The following GGA2 variants were observed in gnomAD, a reference collection of about 807,000 sequenced individuals.
GGA2 encodes golgi associated, gamma adaptin ear containing, ARF binding protein 2.
In GGA2, 48 loss-of-function variants were observed where a neutral mutation model predicts 79.5. The observed-to-expected ratio is 0.60, with a 90% CI of 0.48 to 0.77. The LOEUF (loss-of-function observed/expected upper bound fraction) is 0.77. Among genes scored for constraint, GGA2 ranks in the 30% least tolerant of loss-of-function variants. GGA2 has a pLI of 0.00. For missense variants in GGA2, 770 were observed against 774.0 expected (o/e 0.99, Z 0.06); for synonymous variants, 317 against 302.0 (o/e 1.05, Z -0.51).
intron 6 of GGA2, 68 bp from the exon 7 acceptor site, chr16:23,486,858 C>T: frequency 7.7e-6 from 7 of 905,028 alleles, no homozygotes; most frequent in Non-Finnish European, 1.3e-5. Flanking sequence ...GAAGCAGCAG[C>T]AACAGAAGAG....
intron 6 of GGA2, among the ~76,000 whole-genome samples, chr16:23,488,179 C>T (rs1964739138): frequency 6.6e-6 from 1 of 152,098 alleles, no homozygotes; most frequent in Non-Finnish European, 1.5e-5. Context: ...AACACCACAC[C>T]CACACAGGAC....
intron 16 of GGA2, among the ~76,000 whole-genome samples, chr16:23,468,119 TCTCCTTCCTTCCTTTC>T (rs1964464717): frequency 7.8e-6 from 1 of 128,902 alleles, no homozygotes; most frequent in Admixed American, 8.0e-5. Flanking sequence ...CTTTTTCTCT[TCTCCTTCCTTCCTTTC>T]CTCCTTCCCT....
At chr16:23,513,057 A>G (rs946839545), upstream of GGA2, among the ~76,000 whole-genome samples, 1 of 152,166 alleles carries the variant, frequency 6.6e-6, no homozygotes, top group Non-Finnish European at 1.5e-5. Flanking sequence ...AACATCTGGC[A>G]ACACTGGACC....
chr16:23,488,779 A>C, intron 5 of GGA2, 70 bp from the exon 6 acceptor site: 2 of 866,990 alleles, frequency 2.3e-6, no homozygotes, highest in East Asian at 4.9e-5. Flanking sequence ...ATCCAGTATA[A>C]AGTCTGGAAA....
Position 23,469,984 on chromosome 16 carries a change from C to T in GGA2, c.1620+12G>A. On this transcript the variant is annotated intron_variant, in intron 15 of 16. Transcript: ENST00000309859. Reference sequence around the variant, plus strand: ...ACAGCCATTACTGAGAAATCCCCAACAGATGACTCACCTTTGGCACAGCCA... The same window carrying T: ...ACAGCCATTACTGAGAAATCCCCAATAGATGACTCACCTTTGGCACAGCCA... 2 of 1,501,222 alleles carry T rather than the reference C, an allele frequency of 1.3e-6. No individual in the cohort carries two copies. The highest frequency in any genetic ancestry group is 1.8e-6 in the Non-Finnish European group (2 of 1,121,602). The allele number at this position is 1,501,222 out of a possible 1,614,324, so 93.0% of individuals were successfully genotyped here. A position where few individuals can be genotyped will look rare whatever the true frequency, so the allele number is the denominator to read the frequency against.
At chr16:23,511,254 G>A (rs924252587), upstream of GGA2, among the ~76,000 whole-genome samples, 2 of 142,442 alleles carry the variant, frequency 1.4e-5, no homozygotes, top group South Asian at 2.3e-4. Context: ...CTGGGTTCAA[G>A]CGATTCTCCT....
chr16:23,493,139 G>C (rs1041769333), intron 4 of GGA2, among the ~76,000 whole-genome samples: 1 of 152,216 alleles, frequency 6.6e-6, no homozygotes, highest in Non-Finnish European at 1.5e-5. Flanking sequence ...ACGTTCCCCA[G>C]GCCTTCTTAA....
chr16:23,505,353 C>T (rs739498), intron 1 of GGA2, among the ~76,000 whole-genome samples: 7,035 of 152,118 alleles, frequency 0.046, 579 homozygotes, highest in African/African-American at 0.16. Flanking sequence ...TTTAATAGCG[C>T]AAGGCTAGCA....
At chr16:23,479,969 AC>A in intron 10 of GGA2, 82 bp from the exon 11 acceptor site, 1 of 1,338,508 alleles carries the variant, frequency 7.5e-7, no homozygotes, top group Non-Finnish European at 1.0e-6. Flanking sequence ...CTTCCCTCAG[AC>A]CACCTCCTAA....
chr16:23,475,145 G>A (rs1964561126), intron 13 of GGA2, 84 bp from the exon 14 acceptor site: 1 of 742,160 alleles, frequency 1.3e-6, no homozygotes, highest in Non-Finnish European at 2.2e-6. Flanking sequence ...AAAGAACAAG[G>A]AAAAAATAAC....
At chr16:23,471,571 A>C (rs936439473) in intron 14 of GGA2, among the ~76,000 whole-genome samples, 9 of 152,274 alleles carry the variant, frequency 5.9e-5, no homozygotes, top group Admixed American at 5.2e-4. Context: ...AATCAGCTAA[A>C]AAAAAAACCT....
rs756641478 is a variant in GGA2 at position 23,493,318 on chromosome 16, G to A, written c.351+42C>T. The A allele has an allele frequency of 2.1e-5, 24 of 1,149,308 alleles. 1 individual carries two copies. Among genetic ancestry groups the A allele is most frequent in the South Asian group, 1.1e-4 (9 of 81,718 alleles). 71.2% of individuals were successfully genotyped at this position (1,149,308 alleles called of 1,614,324 possible). A position where few individuals can be genotyped will look rare whatever the true frequency, so the allele number is the denominator to read the frequency against. On this transcript the variant is annotated intron_variant, in intron 4 of 16. Transcript: ENST00000309859. ...GGGAGCCAGGAGTTTGACAGTGGGC[G>A]TAGGTGCGACACAGTCAGCAGAGCC...
chr16:23,473,330 CT>C (rs34972165), intron 14 of GGA2, among the ~76,000 whole-genome samples: 774 of 70,634 alleles, frequency 0.011, 6 homozygotes, highest in Admixed American at 0.043. Context: ...CTTTTCTAGT[CT>C]TTTTTTTTTT....
chr16:23,513,343 T>C (rs1035738721), upstream of GGA2, among the ~76,000 whole-genome samples: 2 of 152,168 alleles, frequency 1.3e-5, no homozygotes, highest in Admixed American at 1.3e-4. Flanking sequence ...CCTGCCCGTC[T>C]TTCTTCTCCC....
chr16:23,510,349 GC>G lies in GGA2; in HGVS notation c.62del (p.Gly21AlafsTer33). ...GCCACAGCTCCAGCGACGCTGCCGG[GC>G]CCGGGGGACCCTGGGCCGACTCGGT... The part of the protein sequence containing the change: ...AGTESAQGPP[G>X]PAASLELWLN... On this transcript the variant is annotated frameshift_variant, in exon 1 of 17. Coordinates refer to ENST00000309859, the MANE Select transcript of GGA2 (RefSeq NM_015044.4). LOFTEE classifies it high-confidence loss of function. The G allele has an allele frequency of 7.0e-7, 1 of 1,435,894 alleles. No homozygotes were observed. Among genetic ancestry groups the G allele is most frequent in the Non-Finnish European group, 9.1e-7 (1 of 1,095,126 alleles). The allele number at this position is 1,435,894 out of a possible 1,614,324, so 88.9% of individuals were successfully genotyped here. A position where few individuals can be genotyped will look rare whatever the true frequency, so the allele number is the denominator to read the frequency against.
chr16:23,472,032 C>T (rs7204714), intron 14 of GGA2, among the ~76,000 whole-genome samples: 1 of 151,994 alleles, frequency 6.6e-6, no homozygotes, highest in South Asian at 2.1e-4. Flanking sequence ...CCTTTTCAGA[C>T]GGGAAATTGG....
chr16:23,509,198 T>C (rs1965008260), intron 1 of GGA2, among the ~76,000 whole-genome samples: 1 of 152,204 alleles, frequency 6.6e-6, no homozygotes, highest in African/African-American at 2.4e-5. Flanking sequence ...CATAAACTCC[T>C]TTCTGCAGCA....
intron 1 of GGA2, among the ~76,000 whole-genome samples, chr16:23,504,006 G>T (rs1001603410): frequency 2.0e-5 from 3 of 151,988 alleles, no homozygotes; most frequent in African/African-American, 7.3e-5. Context: ...GCTTGAACCC[G>T]GGAGACGGAG....
intron 1 of GGA2, among the ~76,000 whole-genome samples, chr16:23,503,730 TG>T (rs563547440): frequency 1.3e-4 from 20 of 152,262 alleles, no homozygotes; most frequent in African/African-American, 4.8e-4. Context: ...GATTTTCCTA[TG>T]GGGGGAAAAA....
Sources: gnomAD v4.1 joint callset for allele counts (sites outside exome capture counted in the v4.1 genomes callset) on GRCh38, gnomAD v4.1.1 for gene constraint, MANE v1.5 for transcripts, NCBI Gene and HGNC (gene_info 2026-07-23, HGNC 2026-07-21) for gene names.